The following SORCS2 variants were observed in gnomAD, a reference collection of about 807,000 sequenced individuals.
The protein encoded by SORCS2 is VPS10 domain-containing receptor SorCS2.
In SORCS2, 100 loss-of-function variants were observed where a neutral mutation model predicts 141.6. The ratio of observed to expected loss-of-function variants is 0.71; its 90% CI spans 0.60 to 0.83. The LOEUF (loss-of-function observed/expected upper bound fraction) is 0.83. Among genes scored for constraint, SORCS2 ranks in the 40% least tolerant of loss-of-function variants. The pLI is 0.00. For synonymous variants in SORCS2, 789 were observed against 676.9 expected (o/e 1.17, Z -2.57); for missense variants, 1,646 against 1,560.2 (o/e 1.05, Z -0.93).
intron 26 of SORCS2, among the ~76,000 whole-genome samples, chr4:7,738,703 G>A: frequency 6.6e-6 from 1 of 152,178 alleles, no homozygotes; most frequent in East Asian, 1.9e-4. Context: ...CTCAGAACGT[G>A]AGCGGCGGAA....
At chr4:7,285,990 C>T (rs112343170) in intron 1 of SORCS2, among the ~76,000 whole-genome samples, 89 of 152,300 alleles carry the variant, frequency 5.8e-4, no homozygotes, top group African/African-American at 1.5e-3. Flanking sequence ...TTAATCAGCA[C>T]GGCGGCCGGC....
intron 1 of SORCS2, among the ~76,000 whole-genome samples, chr4:7,283,358 A>C: frequency 6.6e-6 from 1 of 152,212 alleles, no homozygotes; most frequent in East Asian, 1.9e-4. Flanking sequence ...GCTGCTTTGC[A>C]GGGGAGCAGA....
At chr4:7,577,000 T>A (rs1028777587) in intron 3 of SORCS2, among the ~76,000 whole-genome samples, 1 of 152,212 alleles carries the variant, frequency 6.6e-6, no homozygotes, top group African/African-American at 2.4e-5. Context: ...TGAATCCCCA[T>A]GAGGACAGAT....
chr4:7,299,731 T>C (rs1717311814), intron 1 of SORCS2, among the ~76,000 whole-genome samples: 1 of 152,192 alleles, frequency 6.6e-6, no homozygotes, highest in South Asian at 2.1e-4. Context: ...TTCCTCCAAC[T>C]TCCCATCCCA....
At position 7,728,476 on chromosome 4, in the gene SORCS2, G is replaced by A; in HGVS notation, c.2982+14G>A. ...CTGCTCTCCAAGGTGTCCACCCAGA[G>A]CCTAGAGCCTCCCCAGCCCCACGGT... On this transcript the variant is annotated intron_variant, in intron 22 of 26. Transcript: ENST00000507866. 3.8e-6 allele frequency: 6 copies of A among 1,588,908 alleles called. No homozygotes were observed. Among genetic ancestry groups the A allele is most frequent in the Non-Finnish European group, 5.2e-6 (6 of 1,163,924 alleles).
chr4:7,215,819 G>A (rs971810122), intron 1 of SORCS2, among the ~76,000 whole-genome samples: 5 of 152,142 alleles, frequency 3.3e-5, no homozygotes, highest in African/African-American at 1.2e-4. Context: ...TGATGGGGAC[G>A]TGGAGAACCT....
At chr4:7,299,306 A>G (rs879574023) in intron 1 of SORCS2, among the ~76,000 whole-genome samples, 9 of 152,328 alleles carry the variant, frequency 5.9e-5, no homozygotes, top group Non-Finnish European at 1.0e-4. Context: ...GGTGCTGCCA[A>G]TCAGGCATGG....
chr4:7,677,474 C>T lies in SORCS2; in HGVS notation c.1341+1245C>T. Among the ~76,000 whole-genome samples, 2 of 152,246 alleles carry T rather than the reference C, an allele frequency of 1.3e-5. 1 individual carries two copies. The highest frequency in any genetic ancestry group is 3.9e-4 in the East Asian group (2 of 5,192). ...GCAGGAAAACCAGGACCGGCCCAGG[C>T]CTGTCTGCTTTGAGCCTGGTGCCCT... On this transcript the variant is annotated intron_variant, in intron 9 of 26. Coordinates refer to ENST00000507866, the MANE Select transcript of SORCS2 (RefSeq NM_020777.3).
chr4:7,460,849 G>A (rs1041811993), intron 2 of SORCS2, among the ~76,000 whole-genome samples: 8 of 152,214 alleles, frequency 5.3e-5, no homozygotes, highest in Admixed American at 1.3e-4. Context: ...ACTCACAGTC[G>A]CCTCCTGAAG....
chr4:7,476,536 T>C (rs1730303202), intron 2 of SORCS2, among the ~76,000 whole-genome samples: 1 of 152,150 alleles, frequency 6.6e-6, no homozygotes, highest in Non-Finnish European at 1.5e-5. Context: ...CTGGGAACCA[T>C]AGCCTAGACA....
chr4:7,545,619 T>G (rs71601859), intron 3 of SORCS2, among the ~76,000 whole-genome samples: 22,189 of 152,004 alleles, frequency 0.15, 1,635 homozygotes, highest in African/African-American at 0.16. Flanking sequence ...GACTGGGTGG[T>G]GAGTGAGATT....
At position 7,729,504 on chromosome 4, in the gene SORCS2, A is replaced by G. The variant is rs937910605; in HGVS notation, c.2983-83A>G. On this transcript the variant is annotated intron_variant, in intron 22 of 26. Transcript: ENST00000507866. ...AGACAGGTGTACAGGCCAAGAAGGG[A>G]GAGAGGGTGTTCCTGGGGGCCCCAG... 21 of 1,497,942 alleles carry G rather than the reference A, an allele frequency of 1.4e-5. No individual in the cohort carries two copies. In the African/African-American group the frequency reaches 2.9e-4, roughly 21 times the overall value. 92.8% of individuals were successfully genotyped at this position (1,497,942 alleles called of 1,614,324 possible).
intron 2 of SORCS2, among the ~76,000 whole-genome samples, chr4:7,444,547 G>C (rs547802452): frequency 6.6e-6 from 1 of 152,234 alleles, no homozygotes; most frequent in Non-Finnish European, 1.5e-5. Flanking sequence ...CAGGAGACTT[G>C]AGCGGAGTGA....
intron 3 of SORCS2, among the ~76,000 whole-genome samples, chr4:7,567,794 C>G (rs1331919991): frequency 1.3e-5 from 2 of 152,198 alleles, no homozygotes; most frequent in African/African-American, 4.8e-5. Flanking sequence ...AGGTGTGTCT[C>G]TTCCCCCCAT....
intron 2 of SORCS2, among the ~76,000 whole-genome samples, chr4:7,512,592 T>C (rs1732732455): frequency 6.6e-6 from 1 of 151,532 alleles, no homozygotes; most frequent in Non-Finnish European, 1.5e-5. Context: ...GCCCCCAGAC[T>C]CCATCCTTAA....
At chr4:7,447,985 A>G (rs1282138716) in intron 2 of SORCS2, among the ~76,000 whole-genome samples, 2 of 152,090 alleles carry the variant, frequency 1.3e-5, no homozygotes, top group Non-Finnish European at 2.9e-5. Flanking sequence ...TTTGCCACAT[A>G]TGCCGCTGTG....
chr4:7,355,506 G>C (rs997845018), intron 1 of SORCS2, among the ~76,000 whole-genome samples: 9 of 152,090 alleles, frequency 5.9e-5, no homozygotes, highest in Admixed American at 4.6e-4. Context: ...TGGATCTCCT[G>C]CAGGTGGTGA....
chr4:7,681,218 C>A (rs1723506359), intron 9 of SORCS2, among the ~76,000 whole-genome samples: 1 of 152,186 alleles, frequency 6.6e-6, no homozygotes, highest in Non-Finnish European at 1.5e-5. Context: ...GCCCCAGAAC[C>A]TGCATGTATG....
intron 2 of SORCS2, among the ~76,000 whole-genome samples, chr4:7,480,313 G>T (rs758465071): frequency 4.6e-5 from 7 of 152,202 alleles, no homozygotes; most frequent in Non-Finnish European, 1.0e-4. Flanking sequence ...CTTGAGAGAG[G>T]CCTGTGGCTG....
Sources: allele counts gnomAD v4.1 joint callset (sites outside exome capture counted in the v4.1 genomes callset), GRCh38; gene constraint gnomAD v4.1.1; transcripts MANE v1.5; gene names NCBI Gene and HGNC (gene_info 2026-07-23, HGNC 2026-07-21).